SCIN: variants seen among roughly 807,000 people sequenced by gnomAD.
SCIN encodes adseverin.
A neutral mutation model predicts 91.8 loss-of-function variants in SCIN; 91 were observed. The ratio of observed to expected loss-of-function variants is 0.99; its 90% CI spans 0.84 to 1.18. The LOEUF is 1.18. Among genes scored for constraint, SCIN ranks in the 50% most tolerant of loss-of-function variants. The pLI, the probability that SCIN is intolerant of heterozygous loss-of-function variation, is 0.00. For missense variants in SCIN, 1,087 were observed against 863.9 expected, an observed-to-expected ratio of 1.26 and a Z score of -3.24; for synonymous variants, 367 against 312.6, an observed-to-expected ratio of 1.17 and a Z score of -1.84.
At chr7:12,584,823 T>C (rs1320985770) in intron 3 of SCIN, among the ~76,000 whole-genome samples, 3 of 152,230 alleles carry the variant, frequency 2.0e-5, no homozygotes, top group Admixed American at 6.5e-5. Context: ...CTGAAAATAC[T>C]GTAAAATACT....
chr7:12,582,873 A>G (rs748274399), intron 3 of SCIN, among the ~76,000 whole-genome samples: 2 of 152,156 alleles, frequency 1.3e-5, no homozygotes, highest in Non-Finnish European at 2.9e-5. Context: ...ATAATTTTCT[A>G]TCTCAACTTT....
At chr7:12,576,538 A>G (rs1782376318) in intron 1 of SCIN, among the ~76,000 whole-genome samples, 1 of 152,184 alleles carries the variant, frequency 6.6e-6, no homozygotes, top group South Asian at 2.1e-4. Context: ...CTATTAAATT[A>G]TTACAGCTTC....
chr7:12,604,454 AC>A lies in SCIN; in HGVS notation c.517-59del. The A allele has an allele frequency of 2.1e-6, 3 of 1,447,592 alleles. No homozygotes were observed. The South Asian group carries it at 3.7e-5, about 18-fold the overall frequency. The allele number at this position is 1,447,592 out of a possible 1,614,324, so 89.7% of individuals were successfully genotyped here. ...TTTCCTAATTAATCACAAGTATTAC[AC>A]TGAGGCTGAATGTCTTCCTCATATT... is the stretch of plus-strand genomic sequence containing the variant. On this transcript the variant is annotated intron_variant, in intron 3 of 15. Coordinates refer to ENST00000297029, the MANE Select transcript of SCIN (RefSeq NM_001112706.3).
intron 1 of SCIN, 33 bp downstream of exon 1, chr7:12,571,018 A>C (rs1234989673): frequency 2.0e-6 from 3 of 1,535,302 alleles, no homozygotes; most frequent in Admixed American, 2.0e-5. Flanking sequence ...ACCCCGACGC[A>C]CCAAGGCCGG....
In SCIN at chr7:12,574,833, C is replaced by T. The variant is rs1417835256; in HGVS notation, c.200-3231C>T. Among the ~76,000 whole-genome samples, 3 of 152,088 alleles carry T rather than the reference C, an allele frequency of 2.0e-5. No individual in the cohort carries two copies. In the East Asian group the frequency reaches 5.8e-4, roughly 29 times the overall value. ...TTTAGCTATTCCAGGGCCTGCGCCT[C>T]ACTATATAAATTTTGCAATAAGCCT... On this transcript the variant is annotated intron_variant, in intron 1 of 15. Transcript: ENST00000297029.
intron 1 of SCIN, among the ~76,000 whole-genome samples, chr7:12,574,801 A>G (rs1484279732): frequency 6.6e-6 from 1 of 152,032 alleles, no homozygotes; most frequent in East Asian, 1.9e-4. Flanking sequence ...TTGTTTGTCA[A>G]GATTATTTTA....
At chr7:12,572,111 A>G (rs1782283563) in intron 1 of SCIN, among the ~76,000 whole-genome samples, 1 of 152,252 alleles carries the variant, frequency 6.6e-6, no homozygotes, top group South Asian at 2.1e-4. Context: ...AAACAAAATA[A>G]TAGAAAACAT....
rs1583266495 is a variant in SCIN, at chr7:12,570,912, CG to C, written c.130del (p.Asp44MetfsTer72). 9 of 1,551,564 alleles carry C rather than the reference CG, an allele frequency of 5.8e-6. No individual in the cohort carries two copies. In the East Asian group the frequency reaches 2.2e-4, roughly 38 times the overall value. On this transcript the variant is annotated frameshift_variant, in exon 1 of 16. Coordinates refer to ENST00000297029, the MANE Select transcript of SCIN (RefSeq NM_001112706.3). LOFTEE classifies it high-confidence loss of function. ...PQSAHGDFYV[G>X]DAYLVLHTAK... ...AGAGCGCTCACGGCGACTTCTACGT[CG>C]GGGATGCCTACCTGGTGCTGCACAC...
chr7:12,630,576 T>TC (rs1373983212), intron 9 of SCIN, among the ~76,000 whole-genome samples: 1 of 152,250 alleles, frequency 6.6e-6, no homozygotes, highest in Non-Finnish European at 1.5e-5. Flanking sequence ...CCACAGTCAA[T>TC]CCATATGCTG....
chr7:12,613,160 C>T (rs1783232184), intron 4 of SCIN, among the ~76,000 whole-genome samples: 1 of 152,092 alleles, frequency 6.6e-6, no homozygotes, highest in Admixed American at 6.6e-5. Context: ...AGTTTCTATT[C>T]TATCCTTTTA....
chr7:12,637,202 G>A (rs1297541475), intron 10 of SCIN, among the ~76,000 whole-genome samples: 2 of 152,162 alleles, frequency 1.3e-5, no homozygotes, highest in Non-Finnish European at 2.9e-5. Context: ...CAGCAACAAT[G>A]AGAAATAAAT....
intron 4 of SCIN, among the ~76,000 whole-genome samples, chr7:12,622,137 A>T (rs1179878126): frequency 1.3e-5 from 2 of 152,058 alleles, no homozygotes; most frequent in African/African-American, 4.8e-5. Flanking sequence ...AAAGAAATTC[A>T]AAGCAGATTC....
intron 15 of SCIN, among the ~76,000 whole-genome samples, chr7:12,652,370 A>G (rs1384610498): frequency 1.3e-5 from 2 of 152,248 alleles, no homozygotes. Flanking sequence ...AGACGAGAGA[A>G]ATCAAAAAGA....
intron 8 of SCIN, among the ~76,000 whole-genome samples, chr7:12,627,770 C>T (rs1017875546): frequency 6.6e-6 from 1 of 152,124 alleles, no homozygotes; most frequent in African/African-American, 2.4e-5. Context: ...TGCCAGAGCT[C>T]AGCCCTCCTG....
At chr7:12,580,488 C>A (rs1000291157) in intron 2 of SCIN, among the ~76,000 whole-genome samples, 2 of 152,066 alleles carry the variant, frequency 1.3e-5, no homozygotes, top group Non-Finnish European at 2.9e-5. Context: ...AATAGTAAGA[C>A]CTGTTTACCA....
intron 3 of SCIN, among the ~76,000 whole-genome samples, chr7:12,599,391 G>A (rs1230382157): frequency 6.8e-6 from 1 of 147,714 alleles, no homozygotes; most frequent in Non-Finnish European, 1.5e-5. Flanking sequence ...GTGTGTGTGT[G>A]TGTGTGTATC....
chr7:12,638,954 A>G (rs1783805118), intron 10 of SCIN, among the ~76,000 whole-genome samples: 2 of 152,198 alleles, frequency 1.3e-5, no homozygotes, highest in African/African-American at 4.8e-5. Context: ...TCATAGTACT[A>G]TATTTGATGC....
intron 3 of SCIN, among the ~76,000 whole-genome samples, chr7:12,593,144 A>G (rs1422091193): frequency 6.6e-6 from 1 of 152,176 alleles, no homozygotes; most frequent in African/African-American, 2.4e-5. Flanking sequence ...ATGGGTGGGG[A>G]CATGGCCCCG....
chr7:12,592,286 C>A (rs894736827), intron 3 of SCIN, among the ~76,000 whole-genome samples: 1 of 152,070 alleles, frequency 6.6e-6, no homozygotes, highest in African/African-American at 2.4e-5. Flanking sequence ...GACAGCTTGA[C>A]TGATGGCTCG....
Sources: allele counts gnomAD v4.1 joint callset (sites outside exome capture counted in the v4.1 genomes callset), GRCh38; gene constraint gnomAD v4.1.1; transcripts MANE v1.5; gene names NCBI Gene and HGNC (gene_info 2026-07-23, HGNC 2026-07-21).